Variants in CSMD1 observed in about 807,000 individuals in gnomAD.
The protein encoded by CSMD1 is CUB and Sushi multiple domains 1.
A neutral mutation model predicts 417.5 loss-of-function variants in CSMD1; 213 were observed. The ratio of observed to expected loss-of-function variants is 0.51; its 90% CI spans 0.46 to 0.57. CSMD1 has a LOEUF of 0.57. Ranked by LOEUF, CSMD1 falls within the 20% of genes least tolerant of loss-of-function variation. CSMD1 has a pLI of 0.00. For synonymous variants in CSMD1, 2,862 were observed against 1,736.8 expected (o/e 1.65, Z -16.11); for missense variants, 6,923 against 4,529.7 (o/e 1.53, Z -15.17).
intron 5 of CSMD1, among the ~76,000 whole-genome samples, chr8:3,848,681 G>A (rs961782634): frequency 6.6e-6 from 1 of 152,006 alleles, no homozygotes; most frequent in Admixed American, 6.6e-5. Flanking sequence ...ATCCTATTAT[G>A]CTCCTTGCAC....
intron 3 of CSMD1, among the ~76,000 whole-genome samples, chr8:4,348,147 C>T (rs543012048): frequency 7.2e-5 from 11 of 152,132 alleles, no homozygotes; most frequent in South Asian, 2.1e-4. Context: ...AAGACCTTTT[C>T]GGTTTTTAAA....
intron 1 of CSMD1, among the ~76,000 whole-genome samples, chr8:4,909,471 C>A (rs1421344095): frequency 6.6e-6 from 1 of 152,150 alleles, no homozygotes; most frequent in Non-Finnish European, 1.5e-5. Flanking sequence ...AACACCCTTC[C>A]CTGATAACCT....
chr8:4,891,775 A>G (rs1312281768), intron 1 of CSMD1, among the ~76,000 whole-genome samples: 1 of 152,180 alleles, frequency 6.6e-6, no homozygotes, highest in Non-Finnish European at 1.5e-5. Context: ...ATTTCAGTCA[A>G]GCAATTATTT....
chr8:3,822,557 C>G (rs1036673811), intron 5 of CSMD1, among the ~76,000 whole-genome samples: 1 of 152,174 alleles, frequency 6.6e-6, no homozygotes, highest in Non-Finnish European at 1.5e-5. Context: ...TTCTTTGCTT[C>G]CGCCTCTATC....
chr8:3,697,543 T>A (rs1268843660), intron 7 of CSMD1, among the ~76,000 whole-genome samples: 2 of 152,312 alleles, frequency 1.3e-5, no homozygotes, highest in Middle Eastern at 3.4e-3. Context: ...CTGACTTTAG[T>A]TACTCACTAA....
At chr8:4,841,698 G>T (rs898307553) in intron 1 of CSMD1, among the ~76,000 whole-genome samples, 1 of 151,922 alleles carries the variant, frequency 6.6e-6, no homozygotes, top group Non-Finnish European at 1.5e-5. Context: ...ATCATCTGAG[G>T]TCAGGAGTTG....
chr8:3,906,798 C>T (rs560670801), intron 5 of CSMD1, among the ~76,000 whole-genome samples: 2 of 152,148 alleles, frequency 1.3e-5, no homozygotes, highest in African/African-American at 4.8e-5. Flanking sequence ...TATATACAGA[C>T]AAAATATATA....
chr8:3,105,287 G>A (rs942745054), intron 46 of CSMD1, among the ~76,000 whole-genome samples: 4 of 151,276 alleles, frequency 2.6e-5, no homozygotes, highest in Admixed American at 6.6e-5. Flanking sequence ...TTCCTAAATC[G>A]TGGGCCCTTA....
chr8:3,549,121 C>A (rs1412043467), intron 10 of CSMD1, among the ~76,000 whole-genome samples: 1 of 152,192 alleles, frequency 6.6e-6, no homozygotes, highest in Non-Finnish European at 1.5e-5. Flanking sequence ...CAGATGCCCG[C>A]TTCCATGTTT....
At chr8:4,134,328 T>A (rs1803289332) in intron 3 of CSMD1, among the ~76,000 whole-genome samples, 1 of 152,152 alleles carries the variant, frequency 6.6e-6, no homozygotes, top group African/African-American at 2.4e-5. Context: ...TAAAGACATC[T>A]TTAAGGTGGG....
At position 4,924,928 on chromosome 8, in the gene CSMD1, G is replaced by T. The variant is rs540002316; in HGVS notation, c.85+69404C>A. Among the ~76,000 whole-genome samples the T allele has an allele frequency of 2.6e-5, 4 of 152,112 alleles. No individual in the cohort carries two copies. The South Asian group carries it at 8.3e-4, about 32-fold the overall frequency. On this transcript the variant is annotated intron_variant, in intron 1 of 69. Coordinates refer to ENST00000635120, the MANE Select transcript of CSMD1 (RefSeq NM_033225.6). ...CCCAAATCTTGTCTCTTCAAATCCCGTCTCTTTTTCTGTATTATGCAACGG... is the reference window on the plus strand; with the variant it reads ...CCCAAATCTTGTCTCTTCAAATCCCTTCTCTTTTTCTGTATTATGCAACGG...
At chr8:4,037,771 G>T (rs1367663890) in intron 3 of CSMD1, among the ~76,000 whole-genome samples, 1 of 152,066 alleles carries the variant, frequency 6.6e-6, no homozygotes, top group South Asian at 2.1e-4. Flanking sequence ...GCCGTTAATA[G>T]TTCTGAGGGC....
At chr8:3,039,633 T>C (rs753138792) in intron 50 of CSMD1, among the ~76,000 whole-genome samples, 13 of 152,128 alleles carry the variant, frequency 8.5e-5, no homozygotes, top group Non-Finnish European at 1.5e-4. Context: ...TTTGCACTTC[T>C]TGAGATTATA....
intron 3 of CSMD1, among the ~76,000 whole-genome samples, chr8:4,190,577 T>C (rs1235409331): frequency 6.6e-6 from 1 of 151,390 alleles, no homozygotes; most frequent in Non-Finnish European, 1.5e-5. Flanking sequence ...ACTCTGATGA[T>C]CTATTCCCAT....
At chr8:4,663,082 C>T (rs1377603150) in intron 1 of CSMD1, among the ~76,000 whole-genome samples, 2 of 152,156 alleles carry the variant, frequency 1.3e-5, no homozygotes, top group East Asian at 1.9e-4. Flanking sequence ...AGTAAGCCAA[C>T]CCCTGAGGAC....
chr8:3,848,583 T>C lies in CSMD1; in HGVS notation c.819-94541A>G, dbSNP rs187239533. 4.7e-3 allele frequency among the ~76,000 whole-genome samples: 720 copies of C among 152,326 alleles called. 2 individuals are homozygous for C. Among genetic ancestry groups the C allele is most frequent in the Non-Finnish European group, 5.8e-3 (395 of 68,024 alleles). Reference sequence around the variant, plus strand: ...ACCTTTGTGCTGCTCCTTGTAAATATGTACTTTGAACTGCTCAATTTCCCT... The same window carrying C: ...ACCTTTGTGCTGCTCCTTGTAAATACGTACTTTGAACTGCTCAATTTCCCT... On this transcript the variant is annotated intron_variant, in intron 5 of 69. Transcript: ENST00000635120.
At chr8:3,527,524 G>C (rs903618710) in intron 10 of CSMD1, among the ~76,000 whole-genome samples, 4 of 152,094 alleles carry the variant, frequency 2.6e-5, no homozygotes, top group Admixed American at 6.5e-5. Context: ...GAGCTGGGTG[G>C]TATCTCGATT....
intron 2 of CSMD1, among the ~76,000 whole-genome samples, chr8:4,541,120 G>A (rs1797364186): frequency 1.3e-5 from 2 of 152,146 alleles, no homozygotes; most frequent in African/African-American, 4.8e-5. Flanking sequence ...AGAATTATGA[G>A]AACTGATTTT....
At chr8:4,582,600 C>G (rs1373590933) in intron 2 of CSMD1, among the ~76,000 whole-genome samples, 1 of 152,182 alleles carries the variant, frequency 6.6e-6, no homozygotes, top group African/African-American at 2.4e-5. Context: ...CACTGAAGGG[C>G]TACACATTAG....
Sources: gnomAD v4.1 joint callset for allele counts (sites outside exome capture counted in the v4.1 genomes callset) on GRCh38, gnomAD v4.1.1 for gene constraint, MANE v1.5 for transcripts, NCBI Gene and HGNC (gene_info 2026-07-23, HGNC 2026-07-21) for gene names.